Variants in DLGAP2 observed in about 807,000 individuals in gnomAD.
DLGAP2 encodes the protein disks large-associated protein 2.
DLGAP2 carries 26 observed loss-of-function variants against 100.3 expected under a neutral mutation model. The ratio of observed to expected loss-of-function variants is 0.26; its 90% CI spans 0.19 to 0.36. The LOEUF (loss-of-function observed/expected upper bound fraction) is 0.36, where lower values mean the gene tolerates loss of function less well. Ranked by LOEUF, DLGAP2 falls within the 10% of genes least tolerant of loss-of-function variation. The pLI is 1.00. For missense variants in DLGAP2, 1,858 were observed against 1,453.2 expected (o/e 1.28, Z -4.53); for synonymous variants, 886 against 630.1 (o/e 1.41, Z -6.08).
At chr8:997,166 C>G (rs1800805643) in intron 2 of DLGAP2, among the ~76,000 whole-genome samples, 1 of 152,106 alleles carries the variant, frequency 6.6e-6, no homozygotes, top group Admixed American at 6.5e-5. Flanking sequence ...TCTCATGATC[C>G]TCAGTTTCTG....
chr8:771,930 T>C (rs1463180941), intron 1 of DLGAP2, among the ~76,000 whole-genome samples: 1 of 152,180 alleles, frequency 6.6e-6, no homozygotes. Context: ...TAGAGACAGG[T>C]TCTCTCTCTG....
chr8:1,092,513 C>G lies in DLGAP2; in HGVS notation c.74-166338C>G, dbSNP rs905040321. Among the ~76,000 whole-genome samples, 8 of 152,264 alleles carry G rather than the reference C, an allele frequency of 5.3e-5. No homozygotes were observed. The South Asian group carries it at 6.2e-4, about 12-fold the overall frequency. ...TAGGCATGCAGGGAGCATGAGGGCC[C>G]TGGGTCTGGGGTCTCCTGGCAGGAA... On this transcript the variant is annotated intron_variant, in intron 2 of 14. Coordinates refer to ENST00000637795, the MANE Select transcript of DLGAP2 (RefSeq NM_001346810.2).
intron 2 of DLGAP2, among the ~76,000 whole-genome samples, chr8:994,817 C>T (rs777394039): frequency 2.0e-5 from 3 of 152,160 alleles, no homozygotes; most frequent in Non-Finnish European, 4.4e-5. Context: ...TTCCATATCA[C>T]AGCAGACGAA....
Position 1,701,437 on chromosome 8 carries a change from T to C in DLGAP2, c.*31T>C, listed in dbSNP as rs1407690675. On this transcript the variant is annotated 3_prime_UTR_variant, in exon 15 of 15. Transcript: ENST00000637795. ...GAGGCCGGCGCCTTCCCCTCGTCGCTTCCGCTTTCCCGGACGCTTGTGCAG... is the reference window on the plus strand; with the variant it reads ...GAGGCCGGCGCCTTCCCCTCGTCGCCTCCGCTTTCCCGGACGCTTGTGCAG... 1 of 1,548,444 alleles carries C rather than the reference T, an allele frequency of 6.5e-7. No individual in the cohort carries two copies. Among genetic ancestry groups the C allele is most frequent in the South Asian group, 1.2e-5 (1 of 84,308 alleles).
chr8:779,088 G>A (rs1425298932), intron 1 of DLGAP2, among the ~76,000 whole-genome samples: 1 of 152,234 alleles, frequency 6.6e-6, no homozygotes, highest in African/African-American at 2.4e-5. Context: ...ATGCGGGTGG[G>A]AGTGACCCGA....
intron 3 of DLGAP2, among the ~76,000 whole-genome samples, chr8:1,311,740 G>A (rs1163499234): frequency 1.3e-5 from 2 of 151,924 alleles, no homozygotes; most frequent in African/African-American, 2.4e-5. Context: ...GAAGTAGAAG[G>A]AAAATTTCTC....
intron 2 of DLGAP2, among the ~76,000 whole-genome samples, chr8:1,044,099 G>A (rs187448957): frequency 1.8e-3 from 275 of 152,262 alleles, no homozygotes; most frequent in Admixed American, 0.011. Context: ...CCTGCTGGAT[G>A]TGAAGCTCAG....
chr8:916,677 A>C (rs769227786), intron 2 of DLGAP2, among the ~76,000 whole-genome samples: 2 of 152,190 alleles, frequency 1.3e-5, no homozygotes, highest in Non-Finnish European at 2.9e-5. Flanking sequence ...AAAGAAAATA[A>C]ATTTAAAAAA....
At chr8:1,584,145 G>A (rs908160900) in intron 6 of DLGAP2, among the ~76,000 whole-genome samples, 3 of 152,070 alleles carry the variant, frequency 2.0e-5, no homozygotes, top group Non-Finnish European at 4.4e-5. Flanking sequence ...CATTATATGT[G>A]CTCCTCACAC....
intron 1 of DLGAP2, among the ~76,000 whole-genome samples, chr8:907,112 A>T (rs905419): frequency 0.92 from 140,695 of 152,208 alleles, 65,477 homozygotes; most frequent in African/African-American, 0.98. Context: ...ACAGCCTCTA[A>T]TCACCCTCTC....
chr8:983,652 G>T (rs1237670611), intron 2 of DLGAP2, among the ~76,000 whole-genome samples: 3 of 152,120 alleles, frequency 2.0e-5, no homozygotes, highest in Non-Finnish European at 4.4e-5. Context: ...TTAATTAAAA[G>T]AAGTTTTTGG....
intron 1 of DLGAP2, 85 bp from the exon 2 acceptor site, chr8:907,827 A>G (rs1176297276): frequency 5.0e-6 from 2 of 397,450 alleles, no homozygotes; most frequent in Non-Finnish European, 8.9e-6. Flanking sequence ...CTACCTTATT[A>G]GAAGAAACAC....
intron 2 of DLGAP2, among the ~76,000 whole-genome samples, chr8:1,114,432 T>G (rs1805054593): frequency 6.6e-6 from 1 of 152,090 alleles, no homozygotes. Context: ...CTTGGGAGGG[T>G]GTAAGTGTCC....
rs755665055 is a variant in DLGAP2, at chr8:1,548,840, C to CG, written c.393dup (p.Arg132AlafsTer224). 1 of 1,579,554 alleles carries CG rather than the reference C, an allele frequency of 6.3e-7. No individual in the cohort carries two copies. Among genetic ancestry groups the CG allele is most frequent in the Admixed American group, 1.7e-5 (1 of 58,488 alleles). ...TGCTGAGCCCCGCCGACAGCTGCCC[C>CG]GGGGGGCGCCACCGCTGCTCGCCGC... is the stretch of plus-strand genomic sequence containing the variant. On this transcript the variant is annotated frameshift_variant, in exon 5 of 15. Coordinates refer to ENST00000637795, the MANE Select transcript of DLGAP2 (RefSeq NM_001346810.2). LOFTEE classifies it high-confidence loss of function.
intron 2 of DLGAP2, among the ~76,000 whole-genome samples, chr8:936,279 G>A (rs936572180): frequency 6.6e-6 from 1 of 152,140 alleles, no homozygotes; most frequent in African/African-American, 2.4e-5. Flanking sequence ...GGGACCCAAG[G>A]GGGCTCTATT....
chr8:1,481,667 G>T (rs6984878), intron 3 of DLGAP2, among the ~76,000 whole-genome samples: 1 of 151,704 alleles, frequency 6.6e-6, no homozygotes, highest in East Asian at 1.9e-4. Context: ...TAGTAAAGAC[G>T]GGGTTTCACC....
chr8:1,280,661 C>A (rs1426787157), intron 3 of DLGAP2, among the ~76,000 whole-genome samples: 2 of 152,144 alleles, frequency 1.3e-5, no homozygotes, highest in Non-Finnish European at 2.9e-5. Flanking sequence ...CCCATGTGAG[C>A]AGGTGCATGG....
At chr8:1,350,935 G>A (rs370490525) in intron 3 of DLGAP2, among the ~76,000 whole-genome samples, 4 of 138,838 alleles carry the variant, frequency 2.9e-5, no homozygotes, top group Admixed American at 2.1e-4. Flanking sequence ...TGGAAAGGCC[G>A]TGCGGGTCCT....
At chr8:1,175,921 G>A (rs967997497) in intron 2 of DLGAP2, among the ~76,000 whole-genome samples, 2 of 152,188 alleles carry the variant, frequency 1.3e-5, no homozygotes, top group African/African-American at 4.8e-5. Context: ...CTCCCTCTCG[G>A]CTTTGCCATC....
Sources: allele counts gnomAD v4.1 joint callset (sites outside exome capture counted in the v4.1 genomes callset), GRCh38; gene constraint gnomAD v4.1.1; transcripts MANE v1.5; gene names NCBI Gene and HGNC (gene_info 2026-07-23, HGNC 2026-07-21).